KCND2: variants seen among roughly 807,000 people sequenced by gnomAD.
The protein encoded by KCND2 is potassium voltage-gated channel subfamily D member 2.
KCND2 carries 16 observed loss-of-function variants against 54.4 expected under a neutral mutation model. That is an observed-to-expected ratio of 0.29 (90% confidence interval 0.20 to 0.45). KCND2 has a LOEUF of 0.45. KCND2 is among the 20% of genes least tolerant of loss of function. The pLI is 1.00. For synonymous variants in KCND2, 317 were observed against 310.7 expected, an observed-to-expected ratio of 1.02 and a Z score of -0.21; for missense variants, 486 against 824.2, an observed-to-expected ratio of 0.59 and a Z score of 5.02.
chr7:120,659,598 T>C (rs949636858), intron 1 of KCND2, among the ~76,000 whole-genome samples: 30 of 152,336 alleles, frequency 2.0e-4, no homozygotes, highest in African/African-American at 6.7e-4. Context: ...GTAGTGTTCA[T>C]TGCATACCAG....
At chr7:120,319,491 G>C (rs1194586476) in intron 1 of KCND2, among the ~76,000 whole-genome samples, 1 of 152,004 alleles carries the variant, frequency 6.6e-6, no homozygotes, top group South Asian at 2.1e-4. Flanking sequence ...TAATCTTTTA[G>C]ACATATTGGT....
intron 1 of KCND2, among the ~76,000 whole-genome samples, chr7:120,512,821 A>C (rs1023565877): frequency 2.7e-4 from 38 of 141,350 alleles, no homozygotes; most frequent in African/African-American, 9.8e-4. Flanking sequence ...TTTTTTGGAG[A>C]CAGATTCTTG....
At chr7:120,296,347 A>G (rs1799514054) in intron 1 of KCND2, among the ~76,000 whole-genome samples, 1 of 152,092 alleles carries the variant, frequency 6.6e-6, no homozygotes, top group African/African-American at 2.4e-5. Flanking sequence ...CAAAGTTTCT[A>G]AGTACTGGAT....
At chr7:120,640,571 C>A (rs1446043723) in intron 1 of KCND2, among the ~76,000 whole-genome samples, 2 of 151,798 alleles carry the variant, frequency 1.3e-5, no homozygotes, top group East Asian at 3.8e-4. Context: ...TTATGTTAGT[C>A]ATTTTGTGAA....
At chr7:120,322,881 A>G (rs886919265) in intron 1 of KCND2, among the ~76,000 whole-genome samples, 2 of 152,118 alleles carry the variant, frequency 1.3e-5, no homozygotes, top group African/African-American at 2.4e-5. Context: ...TAAATTGAAA[A>G]TTTTAAATTA....
chr7:120,737,069 CACACACAA>C (rs1792881040), intron 2 of KCND2, among the ~76,000 whole-genome samples: 1 of 134,846 alleles, frequency 7.4e-6, no homozygotes, highest in East Asian at 2.9e-4. Context: ...CACACACACA[CACACACAA>C]ACAAAAAAAA....
chr7:120,293,435 G>A (rs1008738966), intron 1 of KCND2, among the ~76,000 whole-genome samples: 1 of 151,934 alleles, frequency 6.6e-6, no homozygotes, highest in Non-Finnish European at 1.5e-5. Flanking sequence ...GCACCCATGT[G>A]CTGTTCTGGT....
chr7:120,687,179 G>C (rs532658544), intron 1 of KCND2, among the ~76,000 whole-genome samples: 15 of 152,028 alleles, frequency 9.9e-5, no homozygotes, highest in Non-Finnish European at 1.8e-4. Context: ...ATGATTCCAC[G>C]TTCTTCTTCT....
At chr7:120,535,741 G>A (rs979664252) in intron 1 of KCND2, among the ~76,000 whole-genome samples, 4 of 152,142 alleles carry the variant, frequency 2.6e-5, no homozygotes, top group South Asian at 2.1e-4. Flanking sequence ...AGGGGCAACC[G>A]TTCTAAAATT....
chr7:120,400,452 G>A (rs1343562484), intron 1 of KCND2, among the ~76,000 whole-genome samples: 5 of 152,070 alleles, frequency 3.3e-5, no homozygotes, highest in African/African-American at 9.7e-5. Context: ...GTTTCCATGT[G>A]TATCTATTGA....
intron 1 of KCND2, among the ~76,000 whole-genome samples, chr7:120,483,337 AGAATGACATCCAG>A (rs1802634044): frequency 6.6e-6 from 1 of 152,244 alleles, no homozygotes; most frequent in Admixed American, 6.5e-5. Flanking sequence ...TTGAGATGCC[AGAATGACATCCAG>A]GAAGAAAAGC....
rs146260554 is a variant in KCND2, at chr7:120,565,335, G to A, written c.1116-167568G>A. ...GTTGTTTAAAAAGTATAATTGTATT[G>A]TGTATCTTATGTAATGTAGTCTATT... is the stretch of plus-strand genomic sequence containing the variant. On this transcript the variant is annotated intron_variant, in intron 1 of 5. Transcript: ENST00000331113. Among the ~76,000 whole-genome samples the A allele has an allele frequency of 3.2e-3, 483 of 152,254 alleles. 4 individuals are homozygous for A. Among genetic ancestry groups the A allele is most frequent in the African/African-American group, 0.011 (467 of 41,552 alleles).
At chr7:120,561,328 G>A (rs768646788) in intron 1 of KCND2, among the ~76,000 whole-genome samples, 7 of 152,130 alleles carry the variant, frequency 4.6e-5, no homozygotes, top group Non-Finnish European at 1.0e-4. Flanking sequence ...AAAATTGGAA[G>A]ATTGATTAGA....
intron 1 of KCND2, among the ~76,000 whole-genome samples, chr7:120,667,358 A>G (rs1211948001): frequency 6.6e-6 from 1 of 152,044 alleles, no homozygotes; most frequent in Non-Finnish European, 1.5e-5. Context: ...CACAGCTTCA[A>G]AGTGGTCTCA....
chr7:120,685,335 C>G (rs1792187041), intron 1 of KCND2, among the ~76,000 whole-genome samples: 2 of 152,190 alleles, frequency 1.3e-5, no homozygotes, highest in Admixed American at 1.3e-4. Context: ...TCTGAAGATT[C>G]TTCAGCGTCA....
intron 1 of KCND2, among the ~76,000 whole-genome samples, chr7:120,648,348 G>C (rs1209898913): frequency 6.6e-6 from 1 of 152,124 alleles, no homozygotes; most frequent in Admixed American, 6.5e-5. Context: ...TAAACTAATG[G>C]GTGCCATGGA....
At chr7:120,445,939 T>C (rs955618546) in intron 1 of KCND2, among the ~76,000 whole-genome samples, 1 of 152,162 alleles carries the variant, frequency 6.6e-6, no homozygotes, top group African/African-American at 2.4e-5. Flanking sequence ...ATCAAGCTGC[T>C]TGAGGACCAT....
At chr7:120,693,553 AAAAG>A (rs1219674429) in intron 1 of KCND2, among the ~76,000 whole-genome samples, 1 of 152,176 alleles carries the variant, frequency 6.6e-6, no homozygotes, top group African/African-American at 2.4e-5. Context: ...AGGAAGGATA[AAAAG>A]AAAGAGAGAT....
intron 1 of KCND2, among the ~76,000 whole-genome samples, chr7:120,443,724 G>A (rs1801978458): frequency 6.6e-6 from 1 of 151,426 alleles, no homozygotes; most frequent in Non-Finnish European, 1.5e-5. Context: ...CAATACCTAA[G>A]CTCACTTCTC....
Sources: gnomAD v4.1 joint callset for allele counts (sites outside exome capture counted in the v4.1 genomes callset) on GRCh38, gnomAD v4.1.1 for gene constraint, MANE v1.5 for transcripts, NCBI Gene and HGNC (gene_info 2026-07-23, HGNC 2026-07-21) for gene names.